Variants in PRR16 observed in about 807,000 individuals in gnomAD.
PRR16 encodes proline rich 16.
PRR16 carries 6 observed loss-of-function variants against 18.2 expected under a neutral mutation model. The observed-to-expected ratio is 0.33, with a 90% CI of 0.18 to 0.65. The LOEUF (loss-of-function observed/expected upper bound fraction) is 0.65. Ranked by LOEUF, PRR16 falls within the 30% of genes least tolerant of loss-of-function variation. The pLI, the probability that PRR16 is intolerant of heterozygous loss-of-function variation, is 0.74. For missense variants in PRR16, 412 were observed against 376.6 expected (o/e 1.09, Z -0.78); for synonymous variants, 151 against 147.8 (o/e 1.02, Z -0.16).
intron 1 of PRR16, among the ~76,000 whole-genome samples, chr5:120,484,742 G>A (rs1273733258): frequency 6.7e-6 from 1 of 149,326 alleles, no homozygotes; most frequent in African/African-American, 2.4e-5. Flanking sequence ...ATGTTAAATT[G>A]CAACACAATG....
At chr5:120,625,975 GA>G (rs1385374070) in intron 1 of PRR16, among the ~76,000 whole-genome samples, 2 of 152,030 alleles carry the variant, frequency 1.3e-5, no homozygotes, top group Non-Finnish European at 2.9e-5. Flanking sequence ...AACTGGTTTA[GA>G]AACCCAAAGA....
chr5:120,786,419 G>T, the PRR16 span, among the ~76,000 whole-genome samples: 2 of 151,400 alleles, frequency 1.3e-5, no homozygotes, highest in Non-Finnish European at 2.9e-5. Context: ...GGAGAAATAA[G>T]ACAGATTTTT....
intron 1 of PRR16, among the ~76,000 whole-genome samples, chr5:120,661,953 G>A (rs1756188124): frequency 6.6e-6 from 1 of 152,112 alleles, no homozygotes; most frequent in East Asian, 1.9e-4. Flanking sequence ...ACTATGGAAA[G>A]AGCTTGGAAA....
chr5:120,655,473 T>A (rs1455306207), intron 1 of PRR16, among the ~76,000 whole-genome samples: 1 of 150,980 alleles, frequency 6.6e-6, no homozygotes, highest in Non-Finnish European at 1.5e-5. Context: ...TATAGACATA[T>A]ATAGAAGCAT....
the PRR16 span, among the ~76,000 whole-genome samples, chr5:120,730,082 A>G: frequency 2.0e-5 from 3 of 152,176 alleles, no homozygotes; most frequent in African/African-American, 7.2e-5. Context: ...ATGCATTTAC[A>G]TACTACTTTT....
intron 1 of PRR16, among the ~76,000 whole-genome samples, chr5:120,621,423 G>A (rs1047708195): frequency 5.9e-5 from 9 of 151,928 alleles, no homozygotes; most frequent in Non-Finnish European, 1.3e-4. Context: ...TCTCTTCTCA[G>A]CCAGAGCTAA....
chr5:120,734,551 T>TG, the PRR16 span, among the ~76,000 whole-genome samples: 1 of 43,124 alleles, frequency 2.3e-5, no homozygotes, highest in Non-Finnish European at 9.6e-5. Context: ...GCTGGGATTT[T>TG]ATTTTTTTGA....
chr5:120,649,834 A>G (rs1755714592), intron 1 of PRR16, among the ~76,000 whole-genome samples: 1 of 152,096 alleles, frequency 6.6e-6, no homozygotes, highest in Non-Finnish European at 1.5e-5. Flanking sequence ...TTTATAAGGC[A>G]CCCCGTAATA....
chr5:120,766,244 CTGCCTCCTTCCCAAAACTAGTCAT>C, the PRR16 span, among the ~76,000 whole-genome samples: 3 of 152,130 alleles, frequency 2.0e-5, no homozygotes, highest in East Asian at 5.8e-4. Context: ...TCTGGTTGCA[CTGCCTCCTTCCCAAAACTAGTCAT>C]TGCCTGCTTT....
the PRR16 span, among the ~76,000 whole-genome samples, chr5:120,754,572 TTA>T: frequency 1.6e-4 from 9 of 56,564 alleles, no homozygotes; most frequent in Non-Finnish European, 2.7e-4. Context: ...TATAATATAT[TTA>T]TATTTTATAT....
chr5:120,650,848 A>T lies in PRR16; in HGVS notation c.160-35106A>T, dbSNP rs369162646. On this transcript the variant is annotated intron_variant, in intron 1 of 1. Coordinates refer to ENST00000407149, the MANE Select transcript of PRR16 (RefSeq NM_001300783.2). ...AGTCCTTTGGGTATATACCCAGTAAAGGGATTGCTGGGTCAAATGGTATTT... is the reference window on the plus strand; with the variant it reads ...AGTCCTTTGGGTATATACCCAGTAATGGGATTGCTGGGTCAAATGGTATTT... Among the ~76,000 whole-genome samples, 3 of 152,000 alleles carry T rather than the reference A, an allele frequency of 2.0e-5. No homozygotes were observed. In the East Asian group the frequency reaches 5.8e-4, roughly 29 times the overall value.
At chr5:120,683,312 G>A (rs891869490) in intron 1 of PRR16, among the ~76,000 whole-genome samples, 4 of 152,036 alleles carry the variant, frequency 2.6e-5, no homozygotes, top group African/African-American at 9.7e-5. Flanking sequence ...CCAACATAGT[G>A]AAATCCCGTC....
chr5:120,736,346 CCT>C, the PRR16 span, among the ~76,000 whole-genome samples: 4 of 152,050 alleles, frequency 2.6e-5, no homozygotes, highest in Non-Finnish European at 2.9e-5. Flanking sequence ...CTCACTGCAA[CCT>C]CTGTCTCCCG....
At chr5:120,500,084 G>A (rs1750396355) in intron 1 of PRR16, among the ~76,000 whole-genome samples, 1 of 151,380 alleles carries the variant, frequency 6.6e-6, no homozygotes, top group Non-Finnish European at 1.5e-5. Context: ...GTTTCTTGAG[G>A]GTTAGACTCT....
chr5:120,489,481 C>CT (rs1035582002), intron 1 of PRR16, among the ~76,000 whole-genome samples: 3 of 151,954 alleles, frequency 2.0e-5, no homozygotes, highest in Non-Finnish European at 2.9e-5. Flanking sequence ...CAGCCCCTGC[C>CT]TTTTTTTGTT....
the PRR16 span, among the ~76,000 whole-genome samples, chr5:120,738,488 G>A: frequency 5.9e-5 from 9 of 151,634 alleles, no homozygotes; most frequent in Admixed American, 5.9e-4. Flanking sequence ...TTTACATGAC[G>A]ACCCCCTTCC....
chr5:120,781,659 G>A, the PRR16 span, among the ~76,000 whole-genome samples: 22,340 of 152,154 alleles, frequency 0.15, 2,047 homozygotes, highest in Non-Finnish European at 0.2. Flanking sequence ...ATGACAAGGA[G>A]CCATATTTTG....
chr5:120,690,657 CAA>C (rs1453572953), downstream of PRR16, among the ~76,000 whole-genome samples: 1 of 152,082 alleles, frequency 6.6e-6, no homozygotes, highest in Non-Finnish European at 1.5e-5. Flanking sequence ...GTAACTGTGA[CAA>C]GTTTAAATGT....
chr5:120,644,975 A>G (rs1392452371), intron 1 of PRR16, among the ~76,000 whole-genome samples: 2 of 152,102 alleles, frequency 1.3e-5, no homozygotes, highest in African/African-American at 2.4e-5. Flanking sequence ...GACCAATATC[A>G]AATATTTATT....
Sources: allele counts gnomAD v4.1 joint callset (sites outside exome capture counted in the v4.1 genomes callset), GRCh38; gene constraint gnomAD v4.1.1; transcripts MANE v1.5; gene names NCBI Gene and HGNC (gene_info 2026-07-23, HGNC 2026-07-21).